Variants in FAAH2 observed in about 807,000 individuals in gnomAD.
FAAH2 encodes the protein fatty acid amide hydrolase 2.
Under a neutral mutation model 36.9 loss-of-function variants are expected in FAAH2, and 60 were observed. The observed-to-expected ratio is 1.63, with a 90% CI of 1.32 to 2.02. The LOEUF (loss-of-function observed/expected upper bound fraction) is 2.02. FAAH2 is among the 30% of genes most tolerant of loss of function. FAAH2 has a pLI of 0.00. For synonymous variants in FAAH2, 214 were observed against 143.8 expected (o/e 1.49, Z -3.49); for missense variants, 689 against 397.5 (o/e 1.73, Z -6.23).
the FAAH2 span, among the ~76,000 whole-genome samples, chrX:57,122,763 C>T: frequency 2.7e-5 from 3 of 111,421 alleles, no homozygotes. Context: ...GGGGATGAGT[C>T]GGATGTTAAC....
At chrX:57,460,211 G>A (rs1357165899) in intron 10 of FAAH2, among the ~76,000 whole-genome samples, 2 of 111,628 alleles carry the variant, frequency 1.8e-5, no homozygotes, top group East Asian at 5.6e-4. Context: ...TGAGGAGAAT[G>A]GAACCAAGTT....
chrX:57,349,322 T>C (rs1470862243), intron 5 of FAAH2, among the ~76,000 whole-genome samples: 1 of 97,064 alleles, frequency 1.0e-5, no homozygotes, highest in African/African-American at 3.6e-5. Context: ...CATATATACA[T>C]ATATACACAT....
At chrX:57,440,082 C>T (rs1036694510) in intron 8 of FAAH2, among the ~76,000 whole-genome samples, 16 of 111,399 alleles carry the variant, frequency 1.4e-4, no homozygotes, top group South Asian at 7.5e-4. Flanking sequence ...CTTGGTGATG[C>T]GGGCTCTTTT....
chrX:57,394,902 A>G (rs2055256311), intron 7 of FAAH2: 1 of 755,439 alleles, frequency 1.3e-6, no homozygotes. Context: ...ATTTTACTGC[A>G]CCCAACCACC....
chrX:57,435,463 G>C (rs904600952), intron 8 of FAAH2, among the ~76,000 whole-genome samples: 2 of 110,346 alleles, frequency 1.8e-5, no homozygotes, highest in African/African-American at 6.6e-5. Flanking sequence ...CACCTTCTCT[G>C]TAAATACATA....
intron 5 of FAAH2, among the ~76,000 whole-genome samples, chrX:57,353,079 T>C (rs1357043977): frequency 1.8e-5 from 2 of 110,360 alleles, no homozygotes; most frequent in East Asian, 5.7e-4. Context: ...ACCAACATCA[T>C]TTTCACAGTA....
intron 10 of FAAH2, among the ~76,000 whole-genome samples, chrX:57,468,179 A>T (rs975261134): frequency 9.9e-5 from 11 of 111,605 alleles, no homozygotes; most frequent in Non-Finnish European, 2.1e-4. Flanking sequence ...AAATTCTAAA[A>T]ATCAGAGCAC....
At chrX:57,442,431 C>T (rs2056580048) in intron 8 of FAAH2, among the ~76,000 whole-genome samples, 2 of 111,023 alleles carry the variant, frequency 1.8e-5, no homozygotes, top group African/African-American at 6.6e-5. Flanking sequence ...AGGATTGCAA[C>T]CTCTGCTTTT....
At chrX:57,185,488 C>CTG in the FAAH2 span, among the ~76,000 whole-genome samples, 3,192 of 93,960 alleles carry the variant, frequency 0.034, 45 homozygotes, top group Non-Finnish European at 0.047. Context: ...CTCTCTGTCT[C>CTG]TGTGTGTGTG....
chrX:57,189,890 C>G, the FAAH2 span, among the ~76,000 whole-genome samples: 1 of 112,316 alleles, frequency 8.9e-6, no homozygotes, highest in Non-Finnish European at 1.9e-5. Flanking sequence ...AGGAGGCTGT[C>G]TGTCCCTTAG....
At chrX:57,215,906 C>CATATATAT in the FAAH2 span, among the ~76,000 whole-genome samples, 160 of 89,524 alleles carry the variant, frequency 1.8e-3, 1 homozygote, top group African/African-American at 5.3e-3. Flanking sequence ...CCATGGCACT[C>CATATATAT]ATATATATAT....
At chrX:57,262,179 G>A in the FAAH2 span, among the ~76,000 whole-genome samples, 2 of 111,453 alleles carry the variant, frequency 1.8e-5, no homozygotes, top group Admixed American at 1.9e-4. Flanking sequence ...GAAGGTGGCA[G>A]ACCAGCTCGG....
At chrX:57,454,139 G>C (rs1218771861) in intron 10 of FAAH2, among the ~76,000 whole-genome samples, 23 of 111,728 alleles carry the variant, frequency 2.1e-4, no homozygotes, top group Non-Finnish European at 7.5e-5. Context: ...AGTAGGAAGA[G>C]CCTATCTGCC....
chrX:57,241,481 A>G, the FAAH2 span, among the ~76,000 whole-genome samples: 2 of 112,252 alleles, frequency 1.8e-5, no homozygotes, highest in South Asian at 7.3e-4. Context: ...AGTGGGCAAA[A>G]GACATAAACA....
chrX:57,181,284 A>C, the FAAH2 span, among the ~76,000 whole-genome samples: 1 of 111,920 alleles, frequency 8.9e-6, no homozygotes, highest in African/African-American at 3.2e-5. Flanking sequence ...AAATAAGAGA[A>C]AAGGAAGTGA....
chrX:57,217,221 T>TGG, the FAAH2 span, among the ~76,000 whole-genome samples: 5 of 691 alleles, frequency 7.2e-3, no homozygotes, highest in African/African-American at 0.047. Flanking sequence ...TCTCCCACTC[T>TGG]GTGTTGTCTG....
chrX:57,161,227 G>A, the FAAH2 span, among the ~76,000 whole-genome samples: 1 of 112,071 alleles, frequency 8.9e-6, no homozygotes, highest in Non-Finnish European at 1.9e-5. Flanking sequence ...TTCAGAGACA[G>A]TTTGTTATAA....
chrX:57,391,220 A>T (rs758656617), intron 7 of FAAH2, among the ~76,000 whole-genome samples: 16 of 110,549 alleles, frequency 1.4e-4, no homozygotes, highest in African/African-American at 5.2e-4. Flanking sequence ...TGGATATTAG[A>T]CCATTTTCAG....
intron 2 of FAAH2, among the ~76,000 whole-genome samples, chrX:57,300,478 A>T (rs2052318976): frequency 8.9e-6 from 1 of 112,406 alleles, no homozygotes; most frequent in Admixed American, 9.4e-5. Context: ...TTAAAGACTT[A>T]CATGTCAGAC....
Sources: gnomAD v4.1 joint callset for allele counts (sites outside exome capture counted in the v4.1 genomes callset) on GRCh38, gnomAD v4.1.1 for gene constraint, MANE v1.5 for transcripts, NCBI Gene and HGNC (gene_info 2026-07-23, HGNC 2026-07-21) for gene names.